TBC1D9: variants seen among roughly 807,000 people sequenced by gnomAD.
The protein encoded by TBC1D9 is TBC1 domain family member 9.
A neutral mutation model predicts 132.0 loss-of-function variants in TBC1D9; 63 were observed. The observed-to-expected ratio is 0.48, with a 90% confidence interval of 0.39 to 0.59. The LOEUF is 0.59. Among genes scored for constraint, TBC1D9 ranks in the 20% least tolerant of loss-of-function variants. The probability of loss-of-function intolerance (pLI) is 0.00; values close to 1 mark genes in which losing one functional copy is unlikely to be tolerated. For synonymous variants in TBC1D9, 610 were observed against 609.9 expected (o/e 1.00, Z 0.00); for missense variants, 1,261 against 1,592.7 (o/e 0.79, Z 3.54).
chr4:140,641,095 AAAAAAAAAAC>A (rs908063734), intron 13 of TBC1D9, among the ~76,000 whole-genome samples: 30 of 125,680 alleles, frequency 2.4e-4, no homozygotes, highest in African/African-American at 5.2e-4. Context: ...CTAAGCAAAA[AAAAAAAAAAC>A]AAAAAAAAAC....
chr4:140,626,279 A>T (rs1168798106), intron 18 of TBC1D9, among the ~76,000 whole-genome samples: 1 of 152,098 alleles, frequency 6.6e-6, no homozygotes, highest in Non-Finnish European at 1.5e-5. Context: ...ACCCAATATG[A>T]TAGCTATCAT....
At chr4:140,698,369 G>A (rs1235399303) in intron 2 of TBC1D9, among the ~76,000 whole-genome samples, 1 of 152,180 alleles carries the variant, frequency 6.6e-6, no homozygotes, top group Non-Finnish European at 1.5e-5. Context: ...AAACCTTGAA[G>A]CCATGCCTTC....
At chr4:140,678,740 C>T (rs1194345972) in intron 5 of TBC1D9, among the ~76,000 whole-genome samples, 3 of 152,198 alleles carry the variant, frequency 2.0e-5, no homozygotes, top group African/African-American at 7.2e-5. Flanking sequence ...AGAAGAGTGC[C>T]TGCTGCCTTG....
At chr4:140,646,598 G>A (rs1289979735) in intron 13 of TBC1D9, among the ~76,000 whole-genome samples, 1 of 152,120 alleles carries the variant, frequency 6.6e-6, no homozygotes, top group African/African-American at 2.4e-5. Flanking sequence ...TCCTAAGTTG[G>A]AGTTTACAGC....
At chr4:140,666,199 G>A (rs897712317) in intron 9 of TBC1D9, among the ~76,000 whole-genome samples, 5 of 152,314 alleles carry the variant, frequency 3.3e-5, no homozygotes, top group Admixed American at 2.6e-4. Flanking sequence ...AAAGAAGCCA[G>A]TCACAAAAAC....
chr4:140,688,716 A>T (rs996990715), intron 2 of TBC1D9, among the ~76,000 whole-genome samples: 2 of 152,162 alleles, frequency 1.3e-5, no homozygotes, highest in African/African-American at 4.8e-5. Flanking sequence ...TACCCATCTC[A>T]GAGAAATACT....
chr4:140,643,571 C>A, intron 13 of TBC1D9: 1 of 892,266 alleles, frequency 1.1e-6, no homozygotes, highest in Non-Finnish European at 1.7e-6. Flanking sequence ...TGGGCTGGGG[C>A]TCGCTCAGGG....
chr4:140,705,526 G>A (rs557231748), intron 1 of TBC1D9, among the ~76,000 whole-genome samples: 17 of 148,506 alleles, frequency 1.1e-4, no homozygotes, highest in African/African-American at 4.3e-4. Context: ...GTGTGTGTGT[G>A]TGTGTGTGTG....
At chr4:140,652,037 G>A (rs1187297289) in intron 13 of TBC1D9, among the ~76,000 whole-genome samples, 10 of 152,010 alleles carry the variant, frequency 6.6e-5, no homozygotes, top group Admixed American at 5.2e-4. Context: ...CCAGGAGTTC[G>A]AGATCAACCT....
At chr4:140,690,942 G>T (rs1201935203) in intron 2 of TBC1D9, among the ~76,000 whole-genome samples, 1 of 152,164 alleles carries the variant, frequency 6.6e-6, no homozygotes, top group African/African-American at 2.4e-5. Flanking sequence ...TTGAACTATG[G>T]ATTCCTATCT....
At chr4:140,678,738 G>A (rs904719588) in intron 5 of TBC1D9, among the ~76,000 whole-genome samples, 1 of 152,148 alleles carries the variant, frequency 6.6e-6, no homozygotes, top group African/African-American at 2.4e-5. Context: ...CCAGAAGAGT[G>A]CCTGCTGCCT....
chr4:140,696,529 T>C (rs921512854), intron 2 of TBC1D9, among the ~76,000 whole-genome samples: 3 of 149,834 alleles, frequency 2.0e-5, no homozygotes, highest in African/African-American at 7.3e-5. Context: ...TAACTCTTGG[T>C]ACCTCCACCC....
rs1461274906 is a variant in TBC1D9 at position 140,734,209 on chromosome 4, C to A, written c.130+21707G>T. ...GGAGTGCAGTAGCACTTCACTGCAA[C>A]CTCTGCCTCCCAGGACTCAAGCAAT... On this transcript the variant is annotated intron_variant, in intron 1 of 20. Coordinates refer to ENST00000442267, the MANE Select transcript of TBC1D9 (RefSeq NM_015130.3). Among the ~76,000 whole-genome samples the A allele has an allele frequency of 2.6e-5, 4 of 152,160 alleles. No homozygotes were observed. The South Asian group carries it at 8.3e-4, about 32-fold the overall frequency.
chr4:140,641,921 A>C lies in TBC1D9; in HGVS notation c.2338-2493T>G, dbSNP rs988547937. 6.8e-6 allele frequency: 3 copies of C among 440,446 alleles called. No homozygotes were observed. In the Admixed American group the frequency reaches 1.1e-4, roughly 17 times the overall value. The allele number at this position is 440,446 out of a possible 1,614,324, so 27.3% of individuals were successfully genotyped here. A position where few individuals can be genotyped will look rare whatever the true frequency, so the allele number is the denominator to read the frequency against. ...CACTCGCAGGCACTCTCTCGCTAGG[A>C]AACACAGAAAGTATTTTGTGTTTGG... is the stretch of plus-strand genomic sequence containing the variant. On this transcript the variant is annotated intron_variant, in intron 13 of 20. Transcript: ENST00000442267.
intron 1 of TBC1D9, among the ~76,000 whole-genome samples, chr4:140,733,029 G>C (rs1578860714): frequency 6.6e-6 from 1 of 152,112 alleles, no homozygotes; most frequent in South Asian, 2.1e-4. Context: ...TTAGAGCTGA[G>C]TGTCAGTTTC....
intron 15 of TBC1D9, among the ~76,000 whole-genome samples, chr4:140,637,881 A>G (rs967208527): frequency 1.3e-5 from 2 of 152,212 alleles, no homozygotes; most frequent in South Asian, 2.1e-4. Context: ...CGTCAGAAAA[A>G]TGCAGGGACT....
intron 1 of TBC1D9, among the ~76,000 whole-genome samples, chr4:140,739,682 T>C (rs1738729703): frequency 6.6e-6 from 1 of 152,194 alleles, no homozygotes; most frequent in Non-Finnish European, 1.5e-5. Context: ...TTTGTACATA[T>C]TACCAAAATG....
At chr4:140,728,761 C>T (rs113927860) in intron 1 of TBC1D9, among the ~76,000 whole-genome samples, 13 of 152,272 alleles carry the variant, frequency 8.5e-5, no homozygotes, top group African/African-American at 2.9e-4. Context: ...CTCTCGGGTT[C>T]AAGCGATCCC....
At chr4:140,742,531 CAAAAAAAAAAAAAAAA>C (rs35891616) in intron 1 of TBC1D9, among the ~76,000 whole-genome samples, 1 of 63,448 alleles carries the variant, frequency 1.6e-5, no homozygotes, top group Non-Finnish European at 2.9e-5. Context: ...GACTCTGTCT[CAAAAAAAAAAAAAAAA>C]AAAAAAAAAG....
Sources: allele counts gnomAD v4.1 joint callset (sites outside exome capture counted in the v4.1 genomes callset), GRCh38; gene constraint gnomAD v4.1.1; transcripts MANE v1.5; gene names NCBI Gene and HGNC (gene_info 2026-07-23, HGNC 2026-07-21).